Variants in MTOR observed in about 807,000 individuals in gnomAD.
MTOR encodes mechanistic target of rapamycin kinase.
A neutral mutation model predicts 319.8 loss-of-function variants in MTOR; 70 were observed. That is an observed-to-expected ratio of 0.22 (90% confidence interval 0.18 to 0.27). The LOEUF is 0.27. Among genes scored for constraint, MTOR ranks in the 10% least tolerant of loss-of-function variants. MTOR has a pLI of 1.00. For synonymous variants in MTOR, 1,183 were observed against 1,211.4 expected (o/e 0.98, Z 0.49); for missense variants, 1,890 against 3,274.4 (o/e 0.58, Z 10.32).
intron 9 of MTOR, among the ~76,000 whole-genome samples, 190 bp from the exon 10 acceptor site, chr1:11,241,871 A>C (rs1648082872): frequency 6.6e-6 from 1 of 152,216 alleles, no homozygotes; most frequent in African/African-American, 2.4e-5. Flanking sequence ...ACATTTCTAC[A>C]ACAATCCAGC....
chr1:11,180,336 T>C (rs958627359), intron 28 of MTOR, among the ~76,000 whole-genome samples: 5 of 152,128 alleles, frequency 3.3e-5, no homozygotes, highest in African/African-American at 1.2e-4. Flanking sequence ...AAAGCAGGAA[T>C]CATACTTTCA....
chr1:11,234,292 C>T (rs773400492), intron 13 of MTOR, 27 bp from the exon 14 acceptor site: 2 of 1,586,130 alleles, frequency 1.3e-6, no homozygotes, highest in Non-Finnish European at 1.7e-6. Flanking sequence ...CTCATATGTT[C>T]TCTATGGCAG....
intron 46 of MTOR, 128 bp from the exon 47 acceptor site, chr1:11,124,761 A>T: frequency 9.7e-7 from 1 of 1,035,650 alleles, no homozygotes; most frequent in Non-Finnish European, 1.3e-6. Flanking sequence ...CCTCACAAAA[A>T]GAAAAAACAA....
chr1:11,147,191 T>A (rs141763901), intron 31 of MTOR, among the ~76,000 whole-genome samples: 2 of 152,336 alleles, frequency 1.3e-5, no homozygotes, highest in African/African-American at 4.8e-5. Flanking sequence ...CAATGGTATG[T>A]TGGGAAATTA....
chr1:11,238,662 T>C (rs377167065), intron 11 of MTOR, 45 bp from the exon 12 acceptor site: 42 of 1,511,166 alleles, frequency 2.8e-5, no homozygotes, highest in Admixed American at 7.8e-5. Flanking sequence ...ACTGCTGCTG[T>C]AGACAGGTAG....
intron 6 of MTOR, among the ~76,000 whole-genome samples, chr1:11,249,156 G>A (rs1046502920): frequency 2.6e-5 from 4 of 151,590 alleles, no homozygotes; most frequent in South Asian, 2.1e-4. Flanking sequence ...CCCAGGAGGC[G>A]GAGGTTGCAG....
chr1:11,163,108 A>G (rs1396485750), intron 29 of MTOR, among the ~76,000 whole-genome samples: 6 of 152,344 alleles, frequency 3.9e-5, no homozygotes, highest in Middle Eastern at 6.8e-3. Flanking sequence ...AGCAAATGGA[A>G]AACAAAAAAA....
intron 2 of MTOR, 68 bp downstream of exon 2, chr1:11,259,180 A>G: frequency 6.4e-7 from 1 of 1,564,026 alleles, no homozygotes; most frequent in Non-Finnish European, 8.6e-7. Context: ...ACAAAAAAAA[A>G]TGTAAACCAG....
At chr1:11,235,187 G>C (rs1355802588) in intron 13 of MTOR, among the ~76,000 whole-genome samples, 1 of 152,158 alleles carries the variant, frequency 6.6e-6, no homozygotes, top group Admixed American at 6.6e-5. Flanking sequence ...AAGGAAATGT[G>C]CCTCACGGAG....
chr1:11,237,647 G>A (rs1647389394), intron 13 of MTOR, among the ~76,000 whole-genome samples, 196 bp downstream of exon 13: 1 of 152,086 alleles, frequency 6.6e-6, no homozygotes, highest in Non-Finnish European at 1.5e-5. Context: ...TTGACAAAGG[G>A]CTCATGAGGT....
intron 28 of MTOR, among the ~76,000 whole-genome samples, chr1:11,173,317 G>A (rs1357259245): frequency 6.6e-6 from 1 of 151,686 alleles, no homozygotes. Flanking sequence ...TCACAACAAG[G>A]TCTGGTTCTG....
rs752832956 is a variant in MTOR at position 11,212,842 on chromosome 1, T to C, written c.3352A>G (p.Ile1118Val). ...DDYLHLLLPP[I>V]VKLFDAPEAP... is the part of the protein sequence containing the mutation. ...TCAGGGGCATCAAACAACTTAACAATAGGAGGCAGCAGTAAATGCAGGTAG... is the reference window on the plus strand; with the variant it reads ...TCAGGGGCATCAAACAACTTAACAACAGGAGGCAGCAGTAAATGCAGGTAG... The change falls in exon 22 of 58, where the codon ATT becomes GTT. Residue 1118 changes from isoleucine to valine, a missense_variant. Coordinates refer to ENST00000361445, the MANE Select transcript of MTOR (RefSeq NM_004958.4). The surrounding 1 kb of genome is among the most constrained non-coding windows in gnomAD (Gnocchi z 4.1). The C allele has an allele frequency of 1.2e-5, 20 of 1,613,980 alleles. No individual in the cohort carries two copies. The Admixed American group carries it at 1.3e-4, about 11-fold the overall frequency.
chr1:11,111,814 A>ATT (rs1434671035), intron 54 of MTOR: 5 of 152,250 alleles, frequency 3.3e-5, no homozygotes. Flanking sequence ...CATTTGTAGA[A>ATT]AAGATATACT....
At chr1:11,227,046 C>T (rs980079765) in intron 19 of MTOR, among the ~76,000 whole-genome samples, 14 of 150,410 alleles carry the variant, frequency 9.3e-5, no homozygotes, top group African/African-American at 2.2e-4. Flanking sequence ...GCCTGTAATC[C>T]CAGCACTTTG....
intron 54 of MTOR, chr1:11,111,265 G>C: frequency 2.4e-6 from 1 of 408,716 alleles, no homozygotes; most frequent in Non-Finnish European, 4.8e-6. Context: ...GATCACTTGA[G>C]GTCAGGAGTT....
chr1:11,236,271 G>C (rs995546595), intron 13 of MTOR, among the ~76,000 whole-genome samples: 2 of 151,302 alleles, frequency 1.3e-5, no homozygotes, highest in Admixed American at 1.3e-4. Context: ...TGAGTAGCTA[G>C]GACTACAGGT....
intron 28 of MTOR, among the ~76,000 whole-genome samples, chr1:11,192,885 A>G (rs367649480): frequency 6.6e-6 from 1 of 152,168 alleles, no homozygotes; most frequent in Non-Finnish European, 1.5e-5. Context: ...ATTATCAGTC[A>G]AACAACAAGC....
chr1:11,113,499 T>C (rs1368645981), intron 53 of MTOR, among the ~76,000 whole-genome samples: 1 of 152,204 alleles, frequency 6.6e-6, no homozygotes, highest in Non-Finnish European at 1.5e-5. Flanking sequence ...GGGCATAGGT[T>C]TGTAAAATGT....
chr1:11,237,350 T>C (rs1171596870), intron 13 of MTOR, among the ~76,000 whole-genome samples: 2 of 152,134 alleles, frequency 1.3e-5, no homozygotes, highest in African/African-American at 2.4e-5. Flanking sequence ...TCTCATATTA[T>C]TTAAGAACGA....
Sources: allele counts gnomAD v4.1 joint callset (sites outside exome capture counted in the v4.1 genomes callset), GRCh38; gene constraint gnomAD v4.1.1; non-coding constraint Gnocchi (gnomAD v3.1); transcripts MANE v1.5; gene names NCBI Gene and HGNC (gene_info 2026-07-23, HGNC 2026-07-21).